Variants in ZNF284 observed in about 807,000 individuals in gnomAD.
ZNF284 encodes the protein zinc finger protein 284.
In ZNF284, 12 loss-of-function variants were observed where a neutral mutation model predicts 12.9. The observed-to-expected ratio is 0.93, with a 90% CI of 0.60 to 1.51. The LOEUF (loss-of-function observed/expected upper bound fraction) is 1.51. ZNF284 is among the 40% of genes most tolerant of loss of function. The pLI is 0.00. For missense variants in ZNF284, 667 were observed against 707.3 expected, an observed-to-expected ratio of 0.94 and a Z score of 0.65; for synonymous variants, 225 against 236.5, an observed-to-expected ratio of 0.95 and a Z score of 0.45.
At chr19:44,079,043 G>A (rs991723329) in intron 2 of ZNF284, among the ~76,000 whole-genome samples, 3 of 151,932 alleles carry the variant, frequency 2.0e-5, no homozygotes, top group Admixed American at 6.6e-5. Context: ...TGCTTGTCTC[G>A]GCCTCCAAAA....
chr19:44,080,823 C>T (rs1054857645), intron 2 of ZNF284, among the ~76,000 whole-genome samples, 192 bp from the exon 3 acceptor site: 1 of 152,136 alleles, frequency 6.6e-6, no homozygotes, highest in African/African-American at 2.4e-5. Flanking sequence ...CATCATTGCA[C>T]TTCTGGTGGA....
intron 1 of ZNF284, among the ~76,000 whole-genome samples, chr19:44,074,109 T>G (rs112727780): frequency 6.6e-6 from 1 of 151,828 alleles, no homozygotes; most frequent in African/African-American, 2.4e-5. Flanking sequence ...ATCCCAGCAC[T>G]TTGGGAGGCC....
At chr19:44,084,930 CT>C (rs1240283999) in intron 4 of ZNF284, among the ~76,000 whole-genome samples, 1 of 152,118 alleles carries the variant, frequency 6.6e-6, no homozygotes, top group Non-Finnish European at 1.5e-5. Context: ...AGGTAGCCCC[CT>C]GTGCTAGTCT....
Position 44,083,450 on chromosome 19 carries a change from A to AATATATAT in ZNF284, c.235+1363_235+1370dup, listed in dbSNP as rs1290254473. On this transcript the variant is annotated intron_variant, in intron 4 of 4. Transcript: ENST00000421176. ...CTCTGTCTCAAAAAATAAATAAAGA[A>AATATATAT]ATATATATATATATATATATATATA... Among the ~76,000 whole-genome samples the AATATATAT allele has an allele frequency of 3.1e-3, 190 of 60,354 alleles. 10 individuals carry two copies. Among genetic ancestry groups the AATATATAT allele is most frequent in the African/African-American group, 5.6e-3 (115 of 20,368 alleles). The allele number at this position is 60,354 out of a possible 152,430, so 39.6% of individuals were successfully genotyped here.
chr19:44,086,967 A>G lies in ZNF284; in HGVS notation c.1489A>G (p.Lys497Glu), dbSNP rs1350192785. 9 of 1,614,102 alleles carry G rather than the reference A, an allele frequency of 5.6e-6. No homozygotes were observed. Among genetic ancestry groups the G allele is most frequent in the South Asian group, 1.1e-5 (1 of 91,090 alleles). ...TGGGAAGAGGTTTACTGAGAATTCA[A>G]AACTTCGTTTCCATCAAAGAATTCA... is the stretch of plus-strand genomic sequence containing the variant. ...ECGKRFTENSKLRFHQRIHTG... is the reference protein window; with the variant it reads ...ECGKRFTENSELRFHQRIHTG... Residue 497 changes from lysine to glutamate, a missense_variant, in exon 5 of 5, where the codon AAA (lysine) becomes GAA (glutamate). Transcript: ENST00000421176.
chr19:44,075,920 C>A (rs1324005116), intron 1 of ZNF284, among the ~76,000 whole-genome samples: 1 of 152,180 alleles, frequency 6.6e-6, no homozygotes. Context: ...AGTTAAACCT[C>A]ATTCTCATCT....
intron 1 of ZNF284, 141 bp from the exon 2 acceptor site, chr19:44,076,181 T>C (rs919461342): frequency 6.1e-6 from 3 of 494,246 alleles, no homozygotes; most frequent in African/African-American, 3.8e-5. Flanking sequence ...TTTGGTTGTG[T>C]GCAATTTTGG....
intron 2 of ZNF284, among the ~76,000 whole-genome samples, chr19:44,077,762 G>C (rs1487122130): frequency 6.6e-6 from 1 of 151,896 alleles, no homozygotes; most frequent in East Asian, 1.9e-4. Context: ...TAGCTATTTT[G>C]CTAAATTGAA....
At chr19:44,079,992 G>T (rs2147499589) in intron 2 of ZNF284, among the ~76,000 whole-genome samples, 1 of 152,308 alleles carries the variant, frequency 6.6e-6, no homozygotes. Context: ...CTGTGCCACA[G>T]ACTTTCCCCA....
chr19:44,073,670 T>A (rs55784929), intron 1 of ZNF284, among the ~76,000 whole-genome samples: 5,653 of 151,740 alleles, frequency 0.037, 285 homozygotes, highest in African/African-American at 0.12. Context: ...CAGCCTCCTG[T>A]GTGAGTAGCT....
chr19:44,084,690 G>C (rs1403847783), intron 4 of ZNF284, among the ~76,000 whole-genome samples: 1 of 152,148 alleles, frequency 6.6e-6, no homozygotes. Context: ...TGGGGACTCT[G>C]CCATACTGCT....
chr19:44,084,703 G>A (rs556763684), intron 4 of ZNF284, among the ~76,000 whole-genome samples: 1 of 152,174 alleles, frequency 6.6e-6, no homozygotes, highest in Non-Finnish European at 1.5e-5. Flanking sequence ...ATACTGCTGG[G>A]TCTAACAGGC....
intron 4 of ZNF284, among the ~76,000 whole-genome samples, chr19:44,083,482 G>T (rs868130824): frequency 0.36 from 26,031 of 73,094 alleles, 6,869 homozygotes; most frequent in Non-Finnish European, 0.53. Context: ...TATAGAGAGA[G>T]AGAGAGAGAG....
chr19:44,080,573 G>A (rs1164285560), intron 2 of ZNF284, among the ~76,000 whole-genome samples: 3 of 152,146 alleles, frequency 2.0e-5, no homozygotes, highest in African/African-American at 4.8e-5. Context: ...GCGACAGAGT[G>A]AGACTCTGTC....
intron 4 of ZNF284, 142 bp from the exon 5 acceptor site, chr19:44,085,572 G>A (rs538965440): frequency 2.3e-4 from 162 of 714,746 alleles, no homozygotes; most frequent in South Asian, 2.3e-3. Flanking sequence ...TCGTGACAAC[G>A]AGAGACCGTG....
intron 4 of ZNF284, among the ~76,000 whole-genome samples, chr19:44,083,474 T>TATATATATATATAGAGAGAG (rs746837013): frequency 1.1e-4 from 7 of 64,916 alleles, no homozygotes; most frequent in South Asian, 6.8e-4. Flanking sequence ...TATATATATA[T>TATATATATATATAGAGAGAG]AGAGAGAGAG....
At chr19:44,084,472 A>G (rs368334121) in intron 4 of ZNF284, among the ~76,000 whole-genome samples, 179 of 152,294 alleles carry the variant, frequency 1.2e-3, no homozygotes, top group African/African-American at 3.0e-3. Context: ...AACTTTCCTC[A>G]GAATGAGAAC....
rs761798573 is a variant in ZNF284, at chr19:44,086,165, A to G, written c.687A>G (p.Lys229=). 1 of 1,614,220 alleles carries G rather than the reference A, an allele frequency of 6.2e-7. No individual in the cohort carries two copies. Among genetic ancestry groups the G allele is most frequent in the Non-Finnish European group, 8.5e-7 (1 of 1,180,048 alleles). Reference sequence around the variant, plus strand: ...ATCAGAGAATCCACACTGGAGAGAAACCATTCAAATGTGAGCAGTGTGGGA... The same window carrying G: ...ATCAGAGAATCCACACTGGAGAGAAGCCATTCAAATGTGAGCAGTGTGGGA... The part of the protein sequence containing the change: ...QTHQRIHTGE[K]PFKCEQCGKS... Residue 229 remains lysine, a synonymous_variant, in exon 5 of 5, where the codon AAA becomes AAG. Transcript: ENST00000421176.
At chr19:44,082,651 T>TCCTGTTCTC (rs1967147064) in intron 4 of ZNF284, among the ~76,000 whole-genome samples, 1 of 152,210 alleles carries the variant, frequency 6.6e-6, no homozygotes, top group Non-Finnish European at 1.5e-5. Context: ...GTCTAGATGT[T>TCCTGTTCTC]CTTGGGGAGA....
Sources: allele counts gnomAD v4.1 joint callset (sites outside exome capture counted in the v4.1 genomes callset), GRCh38; gene constraint gnomAD v4.1.1; transcripts MANE v1.5; gene names NCBI Gene and HGNC (gene_info 2026-07-23, HGNC 2026-07-21).